IL1RAPL2: variants seen among roughly 807,000 people sequenced by gnomAD.
The protein encoded by IL1RAPL2 is interleukin 1 receptor accessory protein like 2, also known as X-linked interleukin-1 receptor accessory protein-like 2.
In IL1RAPL2, 3 loss-of-function variants were observed where a neutral mutation model predicts 44.1. That is an observed-to-expected ratio of 0.07 (90% CI 0.03 to 0.18). The LOEUF (loss-of-function observed/expected upper bound fraction) is 0.18, where lower values mean the gene tolerates loss of function less well. Ranked by LOEUF, IL1RAPL2 falls within the 10% of genes least tolerant of loss-of-function variation. The probability of loss-of-function intolerance (pLI) is 1.00; values close to 1 mark genes in which losing one functional copy is unlikely to be tolerated. For synonymous variants in IL1RAPL2, 181 were observed against 178.8 expected, an observed-to-expected ratio of 1.01 and a Z score of -0.10; for missense variants, 391 against 496.4, an observed-to-expected ratio of 0.79 and a Z score of 2.02.
intron 3 of IL1RAPL2, among the ~76,000 whole-genome samples, chrX:105,227,046 G>A (rs187655009): frequency 4.6e-5 from 4 of 86,427 alleles, no homozygotes; most frequent in African/African-American, 1.8e-4. Flanking sequence ...ACAGGAAGGG[G>A]AACATCACAC....
chrX:104,881,078 G>A (rs905152891), intron 2 of IL1RAPL2, among the ~76,000 whole-genome samples: 1 of 110,975 alleles, frequency 9.0e-6, no homozygotes. Flanking sequence ...GGTCATTCTA[G>A]GCTCTCAAAC....
intron 1 of IL1RAPL2, among the ~76,000 whole-genome samples, chrX:104,585,322 A>ATATATCATATAT (rs1347233369): frequency 9.5e-5 from 2 of 21,005 alleles, no homozygotes; most frequent in East Asian, 2.1e-3. Flanking sequence ...AATATATATT[A>ATATATCATATAT]TATATAATAT....
At chrX:105,474,598 G>A (rs2036186117) in intron 5 of IL1RAPL2, among the ~76,000 whole-genome samples, 1 of 111,194 alleles carries the variant, frequency 9.0e-6, no homozygotes, top group Non-Finnish European at 1.9e-5. Flanking sequence ...AGTTGGTAGA[G>A]TACCTTTCTG....
At chrX:104,878,961 G>A (rs1191782805) in intron 2 of IL1RAPL2, among the ~76,000 whole-genome samples, 7 of 110,567 alleles carry the variant, frequency 6.3e-5, no homozygotes, top group Non-Finnish European at 1.3e-4. Flanking sequence ...GACATTAAAG[G>A]TACAAAAAGT....
chrX:104,907,377 T>TTGCTCTTG (rs1924050855), intron 2 of IL1RAPL2, among the ~76,000 whole-genome samples: 1 of 111,081 alleles, frequency 9.0e-6, no homozygotes, highest in African/African-American at 3.3e-5. Context: ...CTTTTCTAGT[T>TTGCTCTTG]CTTTTAATTG....
intron 2 of IL1RAPL2, among the ~76,000 whole-genome samples, chrX:105,135,487 A>G (rs1247492294): frequency 8.9e-6 from 1 of 111,975 alleles, no homozygotes; most frequent in African/African-American, 3.2e-5. Context: ...GGAAAGCTTC[A>G]TTTTGCAATA....
intron 2 of IL1RAPL2, among the ~76,000 whole-genome samples, chrX:104,929,834 G>C (rs150694962): frequency 3.9e-3 from 431 of 111,883 alleles, no homozygotes; most frequent in Non-Finnish European, 6.2e-3. Flanking sequence ...ATGTTCCACA[G>C]TGGAACCATA....
intron 2 of IL1RAPL2, among the ~76,000 whole-genome samples, chrX:105,067,702 G>A (rs1255598343): frequency 8.9e-6 from 1 of 112,124 alleles, no homozygotes; most frequent in Non-Finnish European, 1.9e-5. Flanking sequence ...TGTGAACATT[G>A]TGAAATAAGT....
chrX:104,610,530 T>G (rs1207717436), intron 1 of IL1RAPL2, among the ~76,000 whole-genome samples: 1 of 112,049 alleles, frequency 8.9e-6, no homozygotes, highest in Non-Finnish European at 1.9e-5. Flanking sequence ...TATTCACAAT[T>G]GCTTCAAAGA....
intron 6 of IL1RAPL2, among the ~76,000 whole-genome samples, chrX:105,640,755 TATAGATATAGA>T (rs2147839096): frequency 3.2e-5 from 1 of 31,734 alleles, no homozygotes; most frequent in South Asian, 1.2e-3. Flanking sequence ...TAGATATAGA[TATAGATATAGA>T]TATAGATATA....
chrX:105,336,891 A>C (rs1010583825), intron 5 of IL1RAPL2, among the ~76,000 whole-genome samples: 1 of 111,811 alleles, frequency 8.9e-6, no homozygotes, highest in African/African-American at 3.3e-5. Flanking sequence ...AAACCTAGGC[A>C]TCTCTGATGC....
At chrX:105,019,713 C>T (rs1040639349) in intron 2 of IL1RAPL2, among the ~76,000 whole-genome samples, 1 of 111,584 alleles carries the variant, frequency 9.0e-6, no homozygotes, top group African/African-American at 3.3e-5. Flanking sequence ...TCCTGATGTT[C>T]AGGGACTCCC....
intron 3 of IL1RAPL2, chrX:105,219,335 C>A: frequency 8.3e-7 from 1 of 1,211,522 alleles, no homozygotes. Flanking sequence ...TCTGATGAGG[C>A]TCTGGACCAG....
chrX:105,212,601 T>C (rs2033817341), intron 3 of IL1RAPL2, among the ~76,000 whole-genome samples: 1 of 111,621 alleles, frequency 9.0e-6, no homozygotes, highest in Admixed American at 9.5e-5. Flanking sequence ...CAAGAGGGAC[T>C]CTCCCAGCAC....
chrX:104,731,166 G>C (rs763850616), intron 2 of IL1RAPL2, among the ~76,000 whole-genome samples: 3 of 110,130 alleles, frequency 2.7e-5, no homozygotes, highest in Non-Finnish European at 5.7e-5. Context: ...CATTTTGTAG[G>C]TTGTCTGTTC....
intron 2 of IL1RAPL2, among the ~76,000 whole-genome samples, chrX:104,707,987 A>C (rs1931390058): frequency 9.0e-6 from 1 of 111,502 alleles, no homozygotes; most frequent in African/African-American, 3.3e-5. Flanking sequence ...GGGAAGCTTT[A>C]CTCCCTCATC....
At chrX:104,731,110 A>G (rs1474058440) in intron 2 of IL1RAPL2, among the ~76,000 whole-genome samples, 53 of 111,187 alleles carry the variant, frequency 4.8e-4, no homozygotes, top group African/African-American at 1.4e-3. Flanking sequence ...TGTAGATTCT[A>G]GATATTAGCC....
chrX:104,801,190 C>T (rs998659715), intron 2 of IL1RAPL2, among the ~76,000 whole-genome samples: 5 of 112,001 alleles, frequency 4.5e-5, no homozygotes, highest in African/African-American at 1.6e-4. Context: ...GCAAACAGCC[C>T]CTGAAATAGG....
At chrX:105,176,669 AC>A (rs2147602959) in intron 2 of IL1RAPL2, among the ~76,000 whole-genome samples, 1 of 109,397 alleles carries the variant, frequency 9.1e-6, no homozygotes, top group African/African-American at 3.3e-5. Context: ...CAGCAACACC[AC>A]CCCATCCACC....
Sources: allele counts gnomAD v4.1 joint callset (sites outside exome capture counted in the v4.1 genomes callset), GRCh38; gene constraint gnomAD v4.1.1; transcripts MANE v1.5; gene names NCBI Gene and HGNC (gene_info 2026-07-23, HGNC 2026-07-21).